KHDRBS2: variants seen among roughly 807,000 people sequenced by gnomAD.
KHDRBS2 encodes KH RNA binding domain containing, signal transduction associated 2, also known as KH domain-containing, RNA-binding, signal transduction-associated protein 2.
KHDRBS2 carries 26 observed loss-of-function variants against 44.3 expected under a neutral mutation model. That is an observed-to-expected ratio of 0.59 (90% confidence interval 0.43 to 0.81). The LOEUF is 0.81. Among genes scored for constraint, KHDRBS2 ranks in the 40% least tolerant of loss-of-function variants. KHDRBS2 has a pLI of 0.00. For synonymous variants in KHDRBS2, 194 were observed against 151.1 expected, an observed-to-expected ratio of 1.28 and a Z score of -2.08; for missense variants, 476 against 433.1, an observed-to-expected ratio of 1.10 and a Z score of -0.88.
At chr6:62,172,542 A>C (rs1441340789) in intron 2 of KHDRBS2, among the ~76,000 whole-genome samples, 1 of 151,990 alleles carries the variant, frequency 6.6e-6, no homozygotes, top group Admixed American at 6.6e-5. Context: ...GAAACTAACA[A>C]AGATATTCAG....
chr6:62,188,689 T>C (rs775786391), intron 1 of KHDRBS2, among the ~76,000 whole-genome samples: 2 of 152,128 alleles, frequency 1.3e-5, no homozygotes, highest in Admixed American at 6.5e-5. Context: ...ATTTGGCACA[T>C]TTAAGAAATT....
intron 1 of KHDRBS2, among the ~76,000 whole-genome samples, chr6:62,182,439 C>T (rs536717087): frequency 6.6e-6 from 1 of 151,954 alleles, no homozygotes; most frequent in East Asian, 1.9e-4. Context: ...TAAAAATTTG[C>T]TAAGAGGGTA....
At chr6:62,210,473 G>T (rs1828854790) in intron 1 of KHDRBS2, among the ~76,000 whole-genome samples, 1 of 151,772 alleles carries the variant, frequency 6.6e-6, no homozygotes, top group African/African-American at 2.4e-5. Flanking sequence ...TGGGATTACA[G>T]GCACACACCA....
At chr6:61,773,633 A>G (rs1318825820) in intron 6 of KHDRBS2, among the ~76,000 whole-genome samples, 6 of 148,258 alleles carry the variant, frequency 4.0e-5, no homozygotes, top group Non-Finnish European at 6.0e-5. Flanking sequence ...GCTGTGCAGA[A>G]GCTCTTTAGT....
chr6:62,241,036 T>C (rs1488825593), intron 1 of KHDRBS2, among the ~76,000 whole-genome samples: 1 of 152,020 alleles, frequency 6.6e-6, no homozygotes, highest in East Asian at 1.9e-4. Flanking sequence ...TATTACCTCT[T>C]TGTCAGTTTA....
At chr6:61,803,537 T>C (rs557119301) in intron 6 of KHDRBS2, among the ~76,000 whole-genome samples, 4 of 152,180 alleles carry the variant, frequency 2.6e-5, no homozygotes, top group Admixed American at 1.3e-4. Flanking sequence ...ATTATCTCAT[T>C]TAATCTTCAA....
chr6:61,625,074 G>T, the KHDRBS2 span, among the ~76,000 whole-genome samples: 1 of 152,030 alleles, frequency 6.6e-6, no homozygotes, highest in Non-Finnish European at 1.5e-5. Flanking sequence ...AGAGGTATGC[G>T]TGTGGAATCC....
intron 2 of KHDRBS2, among the ~76,000 whole-genome samples, chr6:62,080,828 T>G (rs1282381355): frequency 1.3e-5 from 2 of 152,056 alleles, no homozygotes; most frequent in Non-Finnish European, 2.9e-5. Context: ...GGAGTGCTTA[T>G]AACCCTGGCT....
intron 4 of KHDRBS2, among the ~76,000 whole-genome samples, chr6:61,950,686 C>T (rs1240940293): frequency 6.6e-6 from 1 of 151,960 alleles, no homozygotes; most frequent in African/African-American, 2.4e-5. Flanking sequence ...CGAGGTATCT[C>T]CTGAGGAATT....
intron 2 of KHDRBS2, among the ~76,000 whole-genome samples, chr6:62,077,398 A>G (rs770961012): frequency 6.6e-6 from 1 of 151,986 alleles, no homozygotes; most frequent in Non-Finnish European, 1.5e-5. Flanking sequence ...AGTTTTCTGA[A>G]AAGTGTTGCA....
chr6:62,098,419 A>G (rs780622315), intron 2 of KHDRBS2, among the ~76,000 whole-genome samples: 51 of 151,918 alleles, frequency 3.4e-4, no homozygotes, highest in Non-Finnish European at 6.2e-4. Context: ...TTTTCTGTTG[A>G]CAGTTTGTTT....
the KHDRBS2 span, among the ~76,000 whole-genome samples, chr6:61,579,311 A>C: frequency 2.6e-5 from 4 of 152,262 alleles, no homozygotes; most frequent in East Asian, 7.8e-4. Flanking sequence ...TTCTTCCTAT[A>C]CAAATTATTA....
chr6:62,078,427 A>C (rs1384548269), intron 2 of KHDRBS2, among the ~76,000 whole-genome samples: 1 of 152,024 alleles, frequency 6.6e-6, no homozygotes. Context: ...AGTATTTTAG[A>C]TTATTTAAAT....
intron 2 of KHDRBS2, among the ~76,000 whole-genome samples, 155 bp downstream of exon 2, chr6:62,177,028 CAA>C (rs886421209): frequency 4.0e-5 from 6 of 151,312 alleles, no homozygotes; most frequent in Non-Finnish European, 7.4e-5. Context: ...ATTGCACTTT[CAA>C]AAGTTTTCCT....
intron 2 of KHDRBS2, among the ~76,000 whole-genome samples, chr6:62,086,711 T>C (rs1048190761): frequency 2.6e-5 from 4 of 152,192 alleles, no homozygotes; most frequent in Non-Finnish European, 5.9e-5. Flanking sequence ...CCCAAAATCA[T>C]TAAATTGTAT....
intron 1 of KHDRBS2, among the ~76,000 whole-genome samples, chr6:62,263,611 T>C (rs1585496664): frequency 1.3e-5 from 2 of 151,868 alleles, no homozygotes; most frequent in East Asian, 3.9e-4. Context: ...TTCTTAACTT[T>C]GTAACAGGAA....
intron 2 of KHDRBS2, among the ~76,000 whole-genome samples, chr6:62,088,727 C>G (rs1202325158): frequency 6.6e-6 from 1 of 152,180 alleles, no homozygotes; most frequent in Non-Finnish European, 1.5e-5. Flanking sequence ...AGGCAGTCTG[C>G]ACCTTAGCAG....
chr6:62,241,005 C>G (rs1251313171), intron 1 of KHDRBS2, among the ~76,000 whole-genome samples: 2 of 151,904 alleles, frequency 1.3e-5, no homozygotes, highest in Non-Finnish European at 2.9e-5. Context: ...AGCACCTCTT[C>G]CCTTAATATG....
At chr6:61,616,631 G>T in the KHDRBS2 span, among the ~76,000 whole-genome samples, 1 of 151,986 alleles carries the variant, frequency 6.6e-6, no homozygotes, top group Non-Finnish European at 1.5e-5. Flanking sequence ...AAATATGAAT[G>T]ATAAACTTAC....
Sources: allele counts gnomAD v4.1 joint callset (sites outside exome capture counted in the v4.1 genomes callset), GRCh38; gene constraint gnomAD v4.1.1; transcripts MANE v1.5; gene names NCBI Gene and HGNC (gene_info 2026-07-23, HGNC 2026-07-21).